FDX2: variants seen among roughly 807,000 people sequenced by gnomAD.
The protein encoded by FDX2 is ferredoxin-2, mitochondrial.
In FDX2, 13 loss-of-function variants were observed where a neutral mutation model predicts 18.5. That is an observed-to-expected ratio of 0.70 (90% CI 0.46 to 1.12). The LOEUF (loss-of-function observed/expected upper bound fraction) is 1.12. Among genes scored for constraint, FDX2 ranks in the 50% most tolerant of loss-of-function variants. The probability of loss-of-function intolerance (pLI) is 0.00; values close to 1 mark genes in which losing one functional copy is unlikely to be tolerated. For missense variants in FDX2, 238 were observed against 250.4 expected, an observed-to-expected ratio of 0.95 and a Z score of 0.34; for synonymous variants, 132 against 106.2, an observed-to-expected ratio of 1.24 and a Z score of -1.49.
At chr19:10,314,382 A>G (rs990885204) in intron 3 of FDX2, among the ~76,000 whole-genome samples, 1 of 152,226 alleles carries the variant, frequency 6.6e-6, no homozygotes, top group Non-Finnish European at 1.5e-5. Flanking sequence ...TGGGTCACCA[A>G]TCTCACTGGG....
At chr19:10,312,506 TC>T (rs1216984384) in intron 3 of FDX2, among the ~76,000 whole-genome samples, 2 of 151,810 alleles carry the variant, frequency 1.3e-5, no homozygotes, top group African/African-American at 4.8e-5. Context: ...AGTTCCCCCA[TC>T]CCCCTCATTC....
At chr19:10,312,664 G>C (rs1330755057) in intron 3 of FDX2, among the ~76,000 whole-genome samples, 4 of 152,142 alleles carry the variant, frequency 2.6e-5, no homozygotes, top group African/African-American at 9.6e-5. Context: ...TCCCAGAGCA[G>C]CTGGGACTAC....
At chr19:10,315,621 C>T in intron 2 of FDX2, 84 bp downstream of exon 2, 1 of 1,519,116 alleles carries the variant, frequency 6.6e-7, no homozygotes, top group Non-Finnish European at 8.9e-7. Flanking sequence ...AGAAGGGGGA[C>T]CTCGAGATGA....
Position 10,315,974 on chromosome 19 carries a change from C to T in FDX2, c.32G>A (p.Gly11Glu), listed in dbSNP as rs765744386. ...CAGTAGAACCCTGGCACTCACGCCT[C>T]CCCGGGCCATGGAGGCGGCCATGAC... Residue 11 changes from glycine (G) to glutamate (E), a missense_variant, in exon 1 of 5, where the codon GGA (glycine) becomes GAA (glutamate). Gly to Glu is a moderately conservative substitution (Grantham distance 98). Transcript: ENST00000393708. 9 of 1,609,174 alleles carry T rather than the reference C, an allele frequency of 5.6e-6. No individual in the cohort carries two copies. Among genetic ancestry groups the T allele is most frequent in the Non-Finnish European group, 6.8e-6 (8 of 1,178,824 alleles).
At chr19:10,312,593 C>T (rs1050711691) in intron 3 of FDX2, among the ~76,000 whole-genome samples, 1 of 152,080 alleles carries the variant, frequency 6.6e-6, no homozygotes, top group Admixed American at 6.6e-5. Context: ...ACTGCAGTGG[C>T]GTGATCTCGG....
At chr19:10,314,580 A>G (rs2040357844) in intron 3 of FDX2, among the ~76,000 whole-genome samples, 1 of 151,722 alleles carries the variant, frequency 6.6e-6, no homozygotes. Context: ...GAAAAAAAAA[A>G]AGTGAGAAGT....
At chr19:10,311,401 G>T (rs59286416) in intron 3 of FDX2, among the ~76,000 whole-genome samples, 19,471 of 141,620 alleles carry the variant, frequency 0.14, 1,703 homozygotes, top group Admixed American at 0.27. Flanking sequence ...TTAGGATTTT[G>T]TTTTTTTTTT....
rs866202673 is a variant in FDX2, at chr19:10,310,865, G to C, written c.392C>G (p.Pro131Arg). Residue 131 changes from proline to arginine, a missense_variant, in exon 4 of 5, where the codon CCT becomes CGT. Coordinates refer to ENST00000393708, the MANE Select transcript of FDX2 (RefSeq NM_001031734.4). The stretch of plus-strand genomic sequence containing the variant: ...CTGACCCACTCACCTCTCCTCGGGA[G>C]GAGGCAGGAGATCCAGGTGGTCTTC... The C allele has an allele frequency of 6.2e-7, 1 of 1,613,882 alleles. No individual in the cohort carries two copies. Among genetic ancestry groups the C allele is most frequent in the Non-Finnish European group, 8.5e-7 (1 of 1,179,926 alleles).
At chr19:10,312,172 A>ATTTTTTTTTTTTTTTTTTTTTTTTTTT in intron 3 of FDX2, among the ~76,000 whole-genome samples, 1 of 82,522 alleles carries the variant, frequency 1.2e-5, no homozygotes, top group Non-Finnish European at 2.2e-5. Flanking sequence ...ACCTGGCCAT[A>ATTTTTTTTTTTTTTTTTTTTTTTTTTT]TTTTTTTTTT....
chr19:10,313,643 T>C (rs2040345515), intron 3 of FDX2, among the ~76,000 whole-genome samples: 1 of 104,314 alleles, frequency 9.6e-6, no homozygotes, highest in South Asian at 3.2e-4. Flanking sequence ...ATTAACATGG[T>C]TAAAGACATA....
Position 10,310,309 on chromosome 19 carries a change from C to T in FDX2, c.*177G>A. On this transcript the variant is annotated 3_prime_UTR_variant, in exon 5 of 5. Coordinates refer to ENST00000393708, the MANE Select transcript of FDX2 (RefSeq NM_001031734.4). ...CTGGGGAAGGCCACCCCACTAGGGGCCCTGTCCCCACCAGAGCCTGGACAT... is the reference window on the plus strand; with the variant it reads ...CTGGGGAAGGCCACCCCACTAGGGGTCCTGTCCCCACCAGAGCCTGGACAT... The T allele has an allele frequency of 1.1e-6, 1 of 893,592 alleles. No individual in the cohort carries two copies. Among genetic ancestry groups the T allele is most frequent in the South Asian group, 1.8e-5 (1 of 56,900 alleles). The allele number at this position is 893,592 out of a possible 1,614,324, so 55.4% of individuals were successfully genotyped here.
In FDX2 at chr19:10,310,646, G is replaced by T. The variant is rs1424381498; in HGVS notation, c.405-4C>A. The T allele has an allele frequency of 6.2e-7, 1 of 1,613,352 alleles. No homozygotes were observed. The highest frequency in any genetic ancestry group is 8.5e-7 in the Non-Finnish European group (1 of 1,179,830). On this transcript the variant is annotated splice_polypyrimidine_tract_variant and splice_region_variant and intron_variant, in intron 4 of 4. Coordinates refer to ENST00000393708, the MANE Select transcript of FDX2 (RefSeq NM_001031734.4). ...CATGTCTAGCATGTCGTCTTCCCTAGGGTGGTGACACGGGCAGTGTTAGCC... is the reference window on the plus strand; with the variant it reads ...CATGTCTAGCATGTCGTCTTCCCTATGGTGGTGACACGGGCAGTGTTAGCC...
chr19:10,310,461 A>G lies in FDX2; in HGVS notation c.*25T>C. ...CAATCTGGGCCCTGGGGCCATGGCA[A>G]TGTGGAATGGTCCAGGTGTTCATGT... On this transcript the variant is annotated 3_prime_UTR_variant, in exon 5 of 5. Transcript: ENST00000393708. 6 of 1,613,866 alleles carry G rather than the reference A, an allele frequency of 3.7e-6. No homozygotes were observed. Among genetic ancestry groups the G allele is most frequent in the Non-Finnish European group, 5.1e-6 (6 of 1,179,850 alleles).
rs2040311760 is a variant in FDX2 at position 10,310,497 on chromosome 19, T to C, written c.550A>G (p.Lys184Glu). 1 of 1,614,096 alleles carries C rather than the reference T, an allele frequency of 6.2e-7. No individual in the cohort carries two copies. Among genetic ancestry groups the C allele is most frequent in the African/African-American group, 1.3e-5 (1 of 75,032 alleles). Residue 184 changes from lysine to glutamate, a missense_variant, in exon 5 of 5, where the codon AAG (lysine) becomes GAG (glutamate). Lys to Glu is a moderately conservative substitution (Grantham distance 56). Coordinates refer to ENST00000393708, the MANE Select transcript of FDX2 (RefSeq NM_001031734.4). Reference sequence around the variant, plus strand: ...TCCAGGTGTTCATGTCAGTGGGGCTTGGGGACATGGCCATCCACGTAGAAG... The same window carrying C: ...TCCAGGTGTTCATGTCAGTGGGGCTCGGGGACATGGCCATCCACGTAGAAG...
chr19:10,315,320 T>TG, intron 3 of FDX2, 66 bp downstream of exon 3: 2 of 377,674 alleles, frequency 5.3e-6, no homozygotes, highest in Non-Finnish European at 8.2e-6. Context: ...AATTTGTGGG[T>TG]TTTTTTTTTT....
intron 3 of FDX2, 49 bp downstream of exon 3, chr19:10,315,337 T>TTTGGAAAAA: frequency 1.9e-6 from 2 of 1,064,558 alleles, no homozygotes; most frequent in Non-Finnish European, 2.7e-6. Flanking sequence ...TTTTTTTTTT[T>TTTGGAAAAA]TGGACAAATG....
At chr19:10,311,349 G>A (rs972896821) in intron 3 of FDX2, among the ~76,000 whole-genome samples, 17 of 152,106 alleles carry the variant, frequency 1.1e-4, no homozygotes, top group African/African-American at 3.4e-4. Flanking sequence ...AGGATGGACC[G>A]GCTGACTCAG....
chr19:10,314,164 T>C (rs2040353247), intron 3 of FDX2, among the ~76,000 whole-genome samples: 1 of 151,898 alleles, frequency 6.6e-6, no homozygotes, highest in South Asian at 2.1e-4. Context: ...TTGTGTTTCT[T>C]GTAGAGACAG....
intron 4 of FDX2, 68 bp from the exon 5 acceptor site, chr19:10,310,710 G>A: frequency 1.4e-6 from 2 of 1,441,844 alleles, no homozygotes; most frequent in Non-Finnish European, 1.9e-6. Flanking sequence ...GCCAGAGGTG[G>A]GGGAGGGAGG....
Sources: allele counts gnomAD v4.1 joint callset (sites outside exome capture counted in the v4.1 genomes callset), GRCh38; gene constraint gnomAD v4.1.1; transcripts MANE v1.5; gene names NCBI Gene and HGNC (gene_info 2026-07-23, HGNC 2026-07-21).